RARB: variants seen among roughly 807,000 people sequenced by gnomAD.
The protein encoded by RARB is retinoic acid receptor beta.
A neutral mutation model predicts 51.9 loss-of-function variants in RARB; 17 were observed. The observed-to-expected ratio is 0.33, with a 90% CI of 0.22 to 0.49. The LOEUF (loss-of-function observed/expected upper bound fraction) is 0.49, where lower values mean the gene tolerates loss of function less well. Among genes scored for constraint, RARB ranks in the 20% least tolerant of loss-of-function variants. RARB has a pLI of 0.99. For synonymous variants in RARB, 215 were observed against 195.4 expected, an observed-to-expected ratio of 1.10 and a Z score of -0.84; for missense variants, 369 against 550.8, an observed-to-expected ratio of 0.67 and a Z score of 3.30.
At chr3:25,091,419 C>T (rs1699196976) in intron 3 of RARB, among the ~76,000 whole-genome samples, 1 of 152,146 alleles carries the variant, frequency 6.6e-6, no homozygotes, top group African/African-American at 2.4e-5. Context: ...AGGAAAAGTG[C>T]AGAGAAGCTG....
intron 5 of RARB, among the ~76,000 whole-genome samples, chr3:25,375,306 C>T (rs1227461260): frequency 1.3e-5 from 2 of 152,166 alleles, no homozygotes; most frequent in Non-Finnish European, 2.9e-5. Flanking sequence ...GCTGAATTAC[C>T]TCATAATGAT....
chr3:24,835,319 C>CCCTTT (rs1166442876), intron 1 of RARB, among the ~76,000 whole-genome samples: 6 of 152,052 alleles, frequency 3.9e-5, no homozygotes, highest in Non-Finnish European at 5.9e-5. Context: ...TCTAGAATGC[C>CCCTTT]CCTTTTCCAA....
At chr3:25,293,367 G>A (rs1224774247) in intron 5 of RARB, among the ~76,000 whole-genome samples, 1 of 152,034 alleles carries the variant, frequency 6.6e-6, no homozygotes, top group African/African-American at 2.4e-5. Context: ...AAGAGTTGAT[G>A]TTTTATAATG....
intron 2 of RARB, among the ~76,000 whole-genome samples, chr3:24,900,121 G>C (rs1429119251): frequency 2.0e-5 from 3 of 152,206 alleles, no homozygotes; most frequent in Admixed American, 1.3e-4. Flanking sequence ...AGCAATAATA[G>C]CAGCATTTGA....
At chr3:25,186,569 A>G (rs1020709495) in intron 5 of RARB, among the ~76,000 whole-genome samples, 3 of 152,128 alleles carry the variant, frequency 2.0e-5, no homozygotes, top group Non-Finnish European at 4.4e-5. Flanking sequence ...AATAAGTGGT[A>G]TATTCACTAA....
chr3:25,214,804 G>T (rs1476977859), intron 5 of RARB, among the ~76,000 whole-genome samples: 1 of 152,176 alleles, frequency 6.6e-6, no homozygotes, highest in Non-Finnish European at 1.5e-5. Context: ...CCCATTTTAT[G>T]TATGCAAAAA....
chr3:24,891,787 T>G (rs1703382573), intron 2 of RARB, among the ~76,000 whole-genome samples: 1 of 151,980 alleles, frequency 6.6e-6, no homozygotes, highest in South Asian at 2.1e-4. Context: ...GTAGATAAGT[T>G]GAGAAAGAGT....
At chr3:25,024,519 C>G (rs897753619) in intron 2 of RARB, among the ~76,000 whole-genome samples, 1 of 152,136 alleles carries the variant, frequency 6.6e-6, no homozygotes, top group Non-Finnish European at 1.5e-5. Flanking sequence ...TTCTATTTAT[C>G]TTCTCTGCAG....
intron 5 of RARB, among the ~76,000 whole-genome samples, chr3:25,180,925 G>A (rs1700848117): frequency 6.6e-6 from 1 of 152,008 alleles, no homozygotes; most frequent in Non-Finnish European, 1.5e-5. Flanking sequence ...AAAATTAATT[G>A]TCAAAAATAA....
intron 2 of RARB, among the ~76,000 whole-genome samples, chr3:24,918,751 C>G (rs977302602): frequency 1.3e-5 from 2 of 152,024 alleles, no homozygotes; most frequent in Non-Finnish European, 2.9e-5. Context: ...ATTAGCTGGT[C>G]GTGGTGGCGG....
intron 2 of RARB, among the ~76,000 whole-genome samples, chr3:24,887,459 T>C (rs934911258): frequency 6.6e-6 from 1 of 152,216 alleles, no homozygotes; most frequent in Admixed American, 6.5e-5. Flanking sequence ...AGTTACAGTA[T>C]TGAGTGTACC....
intron 3 of RARB, 135 bp from the exon 4 acceptor site, chr3:25,569,623 T>G (rs1400268512): frequency 4.8e-6 from 5 of 1,047,592 alleles, no homozygotes; most frequent in African/African-American, 1.6e-5. Flanking sequence ...AGGTGTGTTA[T>G]TACCACCTCT....
At chr3:25,514,934 T>C (rs1449882750) in intron 3 of RARB, among the ~76,000 whole-genome samples, 1 of 152,330 alleles carries the variant, frequency 6.6e-6, no homozygotes, top group Admixed American at 6.5e-5. Flanking sequence ...ACTTGGATAT[T>C]GTGTCCTTGG....
chr3:25,285,285 G>T (rs1391108320), intron 5 of RARB, among the ~76,000 whole-genome samples: 1 of 152,162 alleles, frequency 6.6e-6, no homozygotes, highest in Non-Finnish European at 1.5e-5. Flanking sequence ...CAAATTAAGT[G>T]AATTGGAAAA....
chr3:25,089,552 T>C (rs1257025592), intron 3 of RARB, among the ~76,000 whole-genome samples: 1 of 152,106 alleles, frequency 6.6e-6, no homozygotes, highest in Non-Finnish European at 1.5e-5. Flanking sequence ...TCACTGTATT[T>C]AGTAAATTAA....
At position 24,956,877 on chromosome 3, in the gene RARB, C is replaced by G. The variant is rs79513021; in HGVS notation, c.-380+98125C>G. 6.0e-4 allele frequency among the ~76,000 whole-genome samples: 91 copies of G among 152,226 alleles called. 1 individual carries two copies. In the East Asian group the frequency reaches 0.016, roughly 26 times the overall value. ...CTTGGGTTCTATGCCTGTAAGGGAACGAGGAAAGCTGGACCAGAGAGAAGG... is the reference window on the plus strand; with the variant it reads ...CTTGGGTTCTATGCCTGTAAGGGAAGGAGGAAAGCTGGACCAGAGAGAAGG... On this transcript the variant is annotated intron_variant, in intron 2 of 11. Transcript: ENST00000383772.
chr3:24,892,336 T>A (rs923119255), intron 2 of RARB, among the ~76,000 whole-genome samples: 4 of 152,004 alleles, frequency 2.6e-5, no homozygotes, highest in Non-Finnish European at 5.9e-5. Context: ...GATGGTACAT[T>A]ATAATCCAAG....
Position 25,102,539 on chromosome 3 carries a change from C to CA in RARB, c.-327-29613dup, listed in dbSNP as rs199764472. 4.9e-3 allele frequency among the ~76,000 whole-genome samples: 707 copies of CA among 144,838 alleles called. 19 individuals are homozygous for CA. The East Asian group carries it at 0.069, about 14-fold the overall frequency. On this transcript the variant is annotated intron_variant, in intron 3 of 11. Coordinates refer to the RARB transcript ENST00000383772. The stretch of plus-strand genomic sequence containing the variant: ...TGGACGACAGAATAAGACTCTGTCT[C>CA]AAAAAAAAATGAAAATAGAAATAAA...
chr3:25,004,575 C>T (rs1697230682), intron 2 of RARB, among the ~76,000 whole-genome samples: 1 of 152,094 alleles, frequency 6.6e-6, no homozygotes, highest in African/African-American at 2.4e-5. Context: ...GCCTAATCAC[C>T]TCTTAATGGT....
Sources: allele counts gnomAD v4.1 joint callset (sites outside exome capture counted in the v4.1 genomes callset), GRCh38; gene constraint gnomAD v4.1.1; transcripts MANE v1.5; gene names NCBI Gene and HGNC (gene_info 2026-07-23, HGNC 2026-07-21).